The following ERO1B variants were observed in gnomAD, a reference collection of about 807,000 sequenced individuals.
ERO1B encodes ERO1-like protein beta.
A neutral mutation model predicts 75.3 loss-of-function variants in ERO1B; 49 were observed. The observed-to-expected ratio is 0.65, with a 90% confidence interval of 0.52 to 0.83. The LOEUF (loss-of-function observed/expected upper bound fraction) is 0.83. ERO1B is among the 40% of genes least tolerant of loss of function. The probability of loss-of-function intolerance (pLI) is 0.00; values close to 1 mark genes in which losing one functional copy is unlikely to be tolerated. For missense variants in ERO1B, 512 were observed against 560.1 expected, an observed-to-expected ratio of 0.91 and a Z score of 0.87; for synonymous variants, 191 against 192.9, an observed-to-expected ratio of 0.99 and a Z score of 0.08.
intron 9 of ERO1B, among the ~76,000 whole-genome samples, chr1:236,231,363 C>A (rs1314571119): frequency 6.6e-6 from 1 of 152,008 alleles, no homozygotes; most frequent in African/African-American, 2.4e-5. Flanking sequence ...ATGCTGACTA[C>A]AGTTAATTAC....
intron 1 of ERO1B, among the ~76,000 whole-genome samples, chr1:236,280,127 A>C (rs1416935360): frequency 6.6e-6 from 1 of 152,234 alleles, no homozygotes; most frequent in Non-Finnish European, 1.5e-5. Flanking sequence ...CTACACAAGA[A>C]TTTTAAAAAT....
chr1:236,257,009 G>C (rs1665174469), intron 2 of ERO1B, among the ~76,000 whole-genome samples: 2 of 152,204 alleles, frequency 1.3e-5, no homozygotes, highest in African/African-American at 4.8e-5. Context: ...GATAAACTCT[G>C]GCTTTCAGCT....
intron 4 of ERO1B, 78 bp from the exon 5 acceptor site, chr1:236,250,045 CT>C (rs1270898175): frequency 3.3e-6 from 3 of 922,712 alleles, no homozygotes; most frequent in Admixed American, 2.5e-5. Context: ...AATAATCAAT[CT>C]GTCAACAATG....
chr1:236,263,318 G>A (rs1749580), intron 2 of ERO1B, among the ~76,000 whole-genome samples: 37,774 of 151,674 alleles, frequency 0.25, 4,882 homozygotes, highest in East Asian at 0.38. Flanking sequence ...GCATGATCTC[G>A]GCTCACAGCA....
intron 9 of ERO1B, among the ~76,000 whole-genome samples, chr1:236,230,989 G>A (rs1664395136): frequency 7.1e-6 from 1 of 141,410 alleles, no homozygotes; most frequent in Admixed American, 7.2e-5. Context: ...TGAAAACATA[G>A]GGCAAACATT....
intron 2 of ERO1B, among the ~76,000 whole-genome samples, chr1:236,255,846 T>C (rs748484274): frequency 6.6e-6 from 1 of 152,178 alleles, no homozygotes; most frequent in Non-Finnish European, 1.5e-5. Context: ...AAGGCATTCA[T>C]AGGTACCTCA....
rs1664251540 is a variant in ERO1B, at chr1:236,225,230, TA to T, written c.1053-92del. 3.3e-6 allele frequency: 4 copies of T among 1,208,838 alleles called. No individual in the cohort carries two copies. In the Admixed American group the frequency reaches 5.7e-5, roughly 17 times the overall value. The allele number at this position is 1,208,838 out of a possible 1,614,324, so 74.9% of individuals were successfully genotyped here. A position where few individuals can be genotyped will look rare whatever the true frequency, so the allele number is the denominator to read the frequency against. On this transcript the variant is annotated intron_variant, in intron 12 of 15. Transcript: ENST00000354619. The stretch of plus-strand genomic sequence containing the variant: ...TGATAAAATTTTCTATCCTTATGAA[TA>T]TTTAAAATTCATTATTTACTCCGAT...
intron 2 of ERO1B, among the ~76,000 whole-genome samples, chr1:236,266,559 G>A (rs1049673361): frequency 4.0e-5 from 6 of 151,146 alleles, no homozygotes; most frequent in Non-Finnish European, 7.4e-5. Flanking sequence ...AACCAAGATC[G>A]TACCACTGCA....
intron 1 of ERO1B, among the ~76,000 whole-genome samples, chr1:236,278,596 A>G (rs912740346): frequency 3.5e-4 from 53 of 152,106 alleles, no homozygotes; most frequent in South Asian, 2.1e-4. Flanking sequence ...CTGGCTTTTC[A>G]TATATTGAGG....
At chr1:236,241,071 G>T (rs1467221229) in intron 6 of ERO1B, among the ~76,000 whole-genome samples, 2 of 152,138 alleles carry the variant, frequency 1.3e-5, no homozygotes, top group African/African-American at 4.8e-5. Flanking sequence ...ACTACTATTT[G>T]ATCTATAGGG....
intron 1 of ERO1B, among the ~76,000 whole-genome samples, chr1:236,273,609 C>G (rs1665645395): frequency 2.0e-5 from 3 of 151,928 alleles, no homozygotes; most frequent in African/African-American, 7.3e-5. Context: ...AGAATTGAGT[C>G]CAGCCTGGGC....
At position 236,281,810 on chromosome 1, in the gene ERO1B, G is replaced by C; in HGVS notation, c.-27C>G. 7.2e-7 allele frequency: 1 copy of C among 1,397,364 alleles called. No individual in the cohort carries two copies. Among genetic ancestry groups the C allele is most frequent in the Middle Eastern group, 2.2e-4 (1 of 4,504 alleles). The allele number at this position is 1,397,364 out of a possible 1,614,324, so 86.6% of individuals were successfully genotyped here. ...CTGACCTCTACCCACACCGCGGCCA[G>C]CCGGACCCCTCGGGGCCGGGGAACG... On this transcript the variant is annotated 5_prime_UTR_variant, in exon 1 of 16. Transcript: ENST00000354619.
chr1:236,263,403 C>T (rs1665337908), intron 2 of ERO1B, among the ~76,000 whole-genome samples: 1 of 151,986 alleles, frequency 6.6e-6, no homozygotes, highest in Non-Finnish European at 1.5e-5. Context: ...CACACTCCAC[C>T]ACGCCTGGCT....
chr1:236,242,770 A>C (rs1271281321), intron 6 of ERO1B, among the ~76,000 whole-genome samples: 1 of 152,216 alleles, frequency 6.6e-6, no homozygotes, highest in Non-Finnish European at 1.5e-5. Context: ...ATGCCTACTC[A>C]GCACAATTCT....
intron 5 of ERO1B, among the ~76,000 whole-genome samples, chr1:236,246,303 G>C (rs1664885197): frequency 6.6e-6 from 1 of 151,802 alleles, no homozygotes; most frequent in Non-Finnish European, 1.5e-5. Context: ...CAAGTAACTG[G>C]GACTATAGGC....
At chr1:236,228,124 T>C (rs1275459027) in intron 10 of ERO1B, among the ~76,000 whole-genome samples, 3 of 152,044 alleles carry the variant, frequency 2.0e-5, no homozygotes, top group Non-Finnish European at 4.4e-5. Context: ...ATAAAATGGA[T>C]AAAGACAAGA....
At chr1:236,257,343 C>G (rs557065498) in intron 2 of ERO1B, among the ~76,000 whole-genome samples, 10 of 152,056 alleles carry the variant, frequency 6.6e-5, no homozygotes, top group Non-Finnish European at 1.5e-4. Context: ...TCTAGTAATA[C>G]TCACCATCTG....
Position 236,216,666 on chromosome 1 carries a change from C to T in ERO1B, c.*1850G>A, listed in dbSNP as rs577998033. ...ATGAGCGAGGATTTTCTCCAGTAAA[C>T]AGTTTAAATAATAGCCTTTAACTGA... On this transcript the variant is annotated 3_prime_UTR_variant, in exon 16 of 16. Coordinates refer to ENST00000354619, the MANE Select transcript of ERO1B (RefSeq NM_019891.4). The T allele has an allele frequency of 5.9e-5, 9 of 152,090 alleles. No individual in the cohort carries two copies. The South Asian group carries it at 1.7e-3, about 28-fold the overall frequency. 9.4% of individuals were successfully genotyped at this position (152,090 alleles called of 1,614,324 possible).
At chr1:236,273,474 C>T (rs1418552558) in intron 1 of ERO1B, among the ~76,000 whole-genome samples, 1 of 152,198 alleles carries the variant, frequency 6.6e-6, no homozygotes, top group African/African-American at 2.4e-5. Flanking sequence ...GGCTAAAGAA[C>T]ATTGCTACAC....
Sources: allele counts gnomAD v4.1 joint callset (sites outside exome capture counted in the v4.1 genomes callset), GRCh38; gene constraint gnomAD v4.1.1; transcripts MANE v1.5; gene names NCBI Gene and HGNC (gene_info 2026-07-23, HGNC 2026-07-21).